ASH1L: variants seen among roughly 807,000 people sequenced by gnomAD.
ASH1L encodes histone-lysine N-methyltransferase ASH1L.
Under a neutral mutation model 269.0 loss-of-function variants are expected in ASH1L, and 23 were observed. That is an observed-to-expected ratio of 0.09 (90% CI 0.06 to 0.12). The LOEUF (loss-of-function observed/expected upper bound fraction) is 0.12. Ranked by LOEUF, ASH1L falls within the 10% of genes least tolerant of loss-of-function variation. The pLI is 1.00. For synonymous variants in ASH1L, 1,187 were observed against 1,253.5 expected, an observed-to-expected ratio of 0.95 and a Z score of 1.12; for missense variants, 2,912 against 3,567.8, an observed-to-expected ratio of 0.82 and a Z score of 4.68.
chr1:155,378,601 C>A, intron 8 of ASH1L, 53 bp from the exon 9 acceptor site: 1 of 1,397,330 alleles, frequency 7.2e-7, no homozygotes, highest in Non-Finnish European at 1.0e-6. Flanking sequence ...AAATGCCAGA[C>A]GGCAGCATCA....
At position 155,555,292 on chromosome 1, in the gene ASH1L, T is replaced by C. The variant is rs571677796; in HGVS notation, c.-100+6861A>G. Among the ~76,000 whole-genome samples the C allele has an allele frequency of 1.0e-3, 152 of 148,824 alleles. No homozygotes were observed. The Middle Eastern group carries it at 0.025, about 24-fold the overall frequency. On this transcript the variant is annotated intron_variant, in intron 1 of 27. Transcript: ENST00000392403. ...CGGGCTGATCACTTGAGGTCAAGAG[T>C]TCAAGATCAGCCTGGCCAACATGGT...
In ASH1L at chr1:155,438,995, C is replaced by G; in HGVS notation, c.5160G>C (p.Arg1720=). 6.2e-7 allele frequency: 1 copy of G among 1,614,182 alleles called. No homozygotes were observed. Among genetic ancestry groups the G allele is most frequent in the Non-Finnish European group, 8.5e-7 (1 of 1,180,036 alleles). ...GCTCTTGGTCCTCATTTTGTACCAT[C>G]CGCTGCAGCAGACTATCCACAGAGT... ...GDDSVDSLLQ[R]MVQNEDQEPM... is the part of the protein sequence containing the mutation. Residue 1720 remains arginine, a synonymous_variant, in exon 5 of 28, where the codon CGG becomes CGC. Transcript: ENST00000392403.
At chr1:155,507,728 G>C (rs148996904) in intron 2 of ASH1L, among the ~76,000 whole-genome samples, 2 of 152,198 alleles carry the variant, frequency 1.3e-5, no homozygotes, top group East Asian at 3.9e-4. Context: ...AATAAAATTA[G>C]CCAAGTGCGG....
chr1:155,433,664 T>C (rs1363874823), intron 5 of ASH1L: 6 of 1,603,244 alleles, frequency 3.7e-6, no homozygotes, highest in East Asian at 2.2e-5. Flanking sequence ...CACCCTGGGA[T>C]ATACACAGGC....
At chr1:155,532,298 A>G (rs1391191817) in intron 1 of ASH1L, among the ~76,000 whole-genome samples, 4 of 152,214 alleles carry the variant, frequency 2.6e-5, no homozygotes, top group Non-Finnish European at 5.9e-5. Flanking sequence ...AAAATTACTA[A>G]CCATATGTTT....
intron 1 of ASH1L, among the ~76,000 whole-genome samples, chr1:155,530,755 C>G (rs1218545210): frequency 7.0e-6 from 1 of 143,638 alleles, no homozygotes; most frequent in African/African-American, 2.6e-5. Flanking sequence ...AAAAAAAAAT[C>G]AAAAAAATTA....
At chr1:155,373,628 T>C (rs1245001511) in intron 10 of ASH1L, among the ~76,000 whole-genome samples, 1 of 151,992 alleles carries the variant, frequency 6.6e-6, no homozygotes, top group Admixed American at 6.6e-5. Context: ...TTAGTTTTGG[T>C]GTATGGTTTG....
chr1:155,378,614 C>G, intron 8 of ASH1L, 66 bp from the exon 9 acceptor site: 1 of 1,306,986 alleles, frequency 7.7e-7, no homozygotes, highest in Non-Finnish European at 1.1e-6. Context: ...CAGCATCAAT[C>G]ACTAAAAATA....
chr1:155,412,565 C>T (rs1299485507), intron 6 of ASH1L, among the ~76,000 whole-genome samples: 1 of 152,100 alleles, frequency 6.6e-6, no homozygotes, highest in Non-Finnish European at 1.5e-5. Flanking sequence ...TCATCTATAG[C>T]GTCTGTAATA....
intron 4 of ASH1L, among the ~76,000 whole-genome samples, chr1:155,443,606 C>G (rs1662768496): frequency 1.3e-5 from 2 of 152,190 alleles, no homozygotes; most frequent in Admixed American, 1.3e-4. Flanking sequence ...TGCCTGTCAT[C>G]CACAGCCTCA....
intron 5 of ASH1L, among the ~76,000 whole-genome samples, chr1:155,431,960 T>C (rs1482985454): frequency 6.6e-6 from 1 of 152,192 alleles, no homozygotes; most frequent in African/African-American, 2.4e-5. Context: ...TTTAAAAATA[T>C]ACCTTTTTCT....
chr1:155,510,431 A>G (rs1668095743), intron 2 of ASH1L, among the ~76,000 whole-genome samples: 1 of 151,236 alleles, frequency 6.6e-6, no homozygotes, highest in East Asian at 1.9e-4. Context: ...AAAAAAAAAA[A>G]AAAAAATTAT....
chr1:155,433,522 C>A, intron 5 of ASH1L: 1 of 1,609,860 alleles, frequency 6.2e-7, no homozygotes, highest in Non-Finnish European at 8.5e-7. Flanking sequence ...CCCTGGAGCC[C>A]TGCACCGTCC....
rs772942031 is a variant in ASH1L, at chr1:155,479,006, A to T, written c.3864T>A (p.Ile1288=). ...GACTTATTAGTTCCTCCAGCTCTGC[A>T]ATAAAGTCTGGATCCTGTCTATTTC... ...QLRNRQDPDF[I]AELEELISRL... is the part of the protein sequence containing the mutation. Residue 1288 remains isoleucine (I), a synonymous_variant, in exon 3 of 28, where the codon ATT becomes ATA. Coordinates refer to ENST00000392403, the MANE Select transcript of ASH1L (RefSeq NM_018489.3). The T allele has an allele frequency of 6.2e-7, 1 of 1,613,752 alleles. No homozygotes were observed. The highest frequency in any genetic ancestry group is 8.5e-7 in the Non-Finnish European group (1 of 1,180,032).
At chr1:155,543,919 G>A (rs968379733) in intron 1 of ASH1L, among the ~76,000 whole-genome samples, 25 of 152,074 alleles carry the variant, frequency 1.6e-4, no homozygotes, top group Admixed American at 8.5e-4. Flanking sequence ...CAGCCTAGGC[G>A]AAAGAACAAG....
At chr1:155,413,573 C>G (rs1364274749) in intron 6 of ASH1L, among the ~76,000 whole-genome samples, 2 of 152,200 alleles carry the variant, frequency 1.3e-5, no homozygotes, top group South Asian at 2.1e-4. Flanking sequence ...TGCCATTGCA[C>G]TCCAGCCTGG....
chr1:155,411,332 T>G (rs1181006107), intron 6 of ASH1L, among the ~76,000 whole-genome samples: 1 of 151,784 alleles, frequency 6.6e-6, no homozygotes, highest in African/African-American at 2.4e-5. Flanking sequence ...CTACTTATTT[T>G]TGGGAGAGGA....
chr1:155,552,123 C>T (rs1671259588), intron 1 of ASH1L, among the ~76,000 whole-genome samples: 1 of 152,152 alleles, frequency 6.6e-6, no homozygotes, highest in African/African-American at 2.4e-5. Context: ...TTTTGTCCAT[C>T]ACTGTATCCC....
At chr1:155,354,986 C>T (rs923398965) in intron 15 of ASH1L, among the ~76,000 whole-genome samples, 1 of 152,154 alleles carries the variant, frequency 6.6e-6, no homozygotes, top group Non-Finnish European at 1.5e-5. Context: ...CAAATGAAGG[C>T]AAAGACACGT....
Sources: allele counts gnomAD v4.1 joint callset (sites outside exome capture counted in the v4.1 genomes callset), GRCh38; gene constraint gnomAD v4.1.1; transcripts MANE v1.5; gene names NCBI Gene and HGNC (gene_info 2026-07-23, HGNC 2026-07-21).